The following ST7L variants were observed in gnomAD, a reference collection of about 807,000 sequenced individuals.
The protein encoded by ST7L is suppression of tumorigenicity 7 like.
A neutral mutation model predicts 72.5 loss-of-function variants in ST7L; 57 were observed. That is an observed-to-expected ratio of 0.79 (90% CI 0.64 to 0.98). The LOEUF (loss-of-function observed/expected upper bound fraction) is 0.98, where lower values mean the gene tolerates loss of function less well. ST7L is among the 50% of genes least tolerant of loss of function. The pLI, the probability that ST7L is intolerant of heterozygous loss-of-function variation, is 0.00. For missense variants in ST7L, 576 were observed against 672.2 expected (o/e 0.86, Z 1.58); for synonymous variants, 221 against 240.9 (o/e 0.92, Z 0.77).
chr1:112,567,945 G>A (rs147966240), intron 11 of ST7L, among the ~76,000 whole-genome samples: 69 of 152,100 alleles, frequency 4.5e-4, no homozygotes, highest in African/African-American at 1.4e-3. Flanking sequence ...CTTAAAGTTG[G>A]GCGATATTAT....
At chr1:112,613,917 A>G (rs1405655678) in intron 2 of ST7L, among the ~76,000 whole-genome samples, 1 of 152,028 alleles carries the variant, frequency 6.6e-6, no homozygotes, top group Non-Finnish European at 1.5e-5. Flanking sequence ...TTATACAGAG[A>G]CCAGATCTTG....
intron 13 of ST7L, among the ~76,000 whole-genome samples, chr1:112,542,831 G>C (rs1010159845): frequency 6.6e-6 from 1 of 151,600 alleles, no homozygotes; most frequent in Non-Finnish European, 1.5e-5. Flanking sequence ...GAAGAGTCTC[G>C]CTCTGTTGCC....
chr1:112,599,073 A>AAAAAAAT (rs1190968815), intron 4 of ST7L, among the ~76,000 whole-genome samples: 58 of 56,976 alleles, frequency 1.0e-3, no homozygotes, highest in East Asian at 5.6e-3. Context: ...AAAAAAAAAA[A>AAAAAAAT]ATATATATAT....
intron 11 of ST7L, among the ~76,000 whole-genome samples, chr1:112,562,756 C>T (rs1309296459): frequency 6.6e-6 from 1 of 152,080 alleles, no homozygotes; most frequent in African/African-American, 2.4e-5. Context: ...AAAGGTTGGT[C>T]CTTATCCTGT....
rs6660733 is a variant in ST7L at position 112,546,585 on chromosome 1, T to A, written c.1489+4016A>T. On this transcript the variant is annotated intron_variant, in intron 13 of 14. Coordinates refer to ENST00000358039, the MANE Select transcript of ST7L (RefSeq NM_017744.5). ...AAAGGAAAGTAAGAATAGGAAAGAC[T>A]GAAAAAAGCAGCCAGGGACAGAGAG... Among the ~76,000 whole-genome samples, 1,483 of 152,178 alleles carry A rather than the reference T, an allele frequency of 9.7e-3. 29 individuals are homozygous for A. The highest frequency in any genetic ancestry group is 0.033 in the African/African-American group (1,371 of 41,516).
chr1:112,594,567 G>A (rs1164466315), intron 5 of ST7L, among the ~76,000 whole-genome samples: 1 of 152,208 alleles, frequency 6.6e-6, no homozygotes, highest in African/African-American at 2.4e-5. Context: ...CATTAGCAAG[G>A]AGTAATAAAG....
At chr1:112,537,768 T>A (rs1655448946) in intron 14 of ST7L, among the ~76,000 whole-genome samples, 1 of 152,240 alleles carries the variant, frequency 6.6e-6, no homozygotes, top group South Asian at 2.1e-4. Flanking sequence ...TTTTCATTGC[T>A]CTGTGTCTAA....
intron 11 of ST7L, among the ~76,000 whole-genome samples, chr1:112,569,179 A>G (rs190900150): frequency 2.0e-4 from 30 of 152,280 alleles, no homozygotes; most frequent in African/African-American, 7.0e-4. Flanking sequence ...CAAAAAATTA[A>G]ACAGAATTAC....
intron 14 of ST7L, chr1:112,527,878 A>G (rs1339281534): frequency 6.6e-6 from 1 of 152,258 alleles, no homozygotes; most frequent in Admixed American, 6.5e-5. Context: ...AAGTAAAAGG[A>G]AACAGTAAGG....
chr1:112,537,697 C>G (rs1417845297), intron 14 of ST7L, among the ~76,000 whole-genome samples: 1 of 152,154 alleles, frequency 6.6e-6, no homozygotes, highest in Non-Finnish European at 1.5e-5. Flanking sequence ...GAATTCTGGC[C>G]TTAGAGAATA....
intron 12 of ST7L, among the ~76,000 whole-genome samples, chr1:112,553,076 T>C (rs966287124): frequency 2.7e-5 from 4 of 150,372 alleles, no homozygotes; most frequent in African/African-American, 7.3e-5. Context: ...AAGATATTCA[T>C]TGAGTATAGA....
intron 11 of ST7L, among the ~76,000 whole-genome samples, chr1:112,570,543 A>ATG (rs201341817): frequency 0.023 from 2,182 of 96,760 alleles, 61 homozygotes; most frequent in African/African-American, 0.1. Context: ...AGAATAAAAG[A>ATG]TGTATATATA....
intron 6 of ST7L, among the ~76,000 whole-genome samples, chr1:112,587,420 G>A (rs149255657): frequency 0.02 from 3,073 of 152,220 alleles, 107 homozygotes; most frequent in African/African-American, 0.07. Context: ...TGGCCAACAT[G>A]GTGAAACCTT....
intron 3 of ST7L, among the ~76,000 whole-genome samples, chr1:112,608,829 C>T (rs1377683468): frequency 6.6e-6 from 1 of 152,200 alleles, no homozygotes; most frequent in Admixed American, 6.5e-5. Flanking sequence ...CAGGACTCCA[C>T]TTAAATGGTG....
At chr1:112,612,343 C>T (rs1334692211) in intron 2 of ST7L, among the ~76,000 whole-genome samples, 1 of 152,126 alleles carries the variant, frequency 6.6e-6, no homozygotes, top group Non-Finnish European at 1.5e-5. Context: ...AGCGCTCTGC[C>T]CTCCTTGGCC....
chr1:112,554,613 C>T (rs1377106283), intron 12 of ST7L, among the ~76,000 whole-genome samples: 1 of 152,130 alleles, frequency 6.6e-6, no homozygotes, highest in Admixed American at 6.5e-5. Context: ...CAGCAATTCC[C>T]TTTCTGGGCA....
At chr1:112,564,096 A>T (rs1168002198) in intron 11 of ST7L, among the ~76,000 whole-genome samples, 1 of 152,182 alleles carries the variant, frequency 6.6e-6, no homozygotes, top group Non-Finnish European at 1.5e-5. Context: ...ATTGGTATGT[A>T]TTGGGGGAGA....
At chr1:112,617,164 T>A (rs1437764242) in intron 1 of ST7L, 1 of 219,360 alleles carries the variant, frequency 4.6e-6, no homozygotes, top group East Asian at 1.2e-4. Context: ...TTTGCAAGTC[T>A]GTAAGAATAA....
chr1:112,582,322 A>G (rs1664249150), intron 8 of ST7L, 53 bp downstream of exon 8: 5 of 1,354,220 alleles, frequency 3.7e-6, no homozygotes, highest in Non-Finnish European at 5.2e-6. Context: ...ACTTAACTAA[A>G]TTTTTAGTTT....
Sources: gnomAD v4.1 joint callset for allele counts (sites outside exome capture counted in the v4.1 genomes callset) on GRCh38, gnomAD v4.1.1 for gene constraint, MANE v1.5 for transcripts, NCBI Gene and HGNC (gene_info 2026-07-23, HGNC 2026-07-21) for gene names.